The following PAPPA variants were observed in gnomAD, a reference collection of about 807,000 sequenced individuals.
PAPPA encodes the protein pappalysin 1, also known as pappalysin-1.
PAPPA carries 60 observed loss-of-function variants against 164.0 expected under a neutral mutation model. That is an observed-to-expected ratio of 0.37 (90% CI 0.30 to 0.45). The LOEUF is 0.45. Among genes scored for constraint, PAPPA ranks in the 20% least tolerant of loss-of-function variants. The probability of loss-of-function intolerance (pLI) is 1.00; values close to 1 mark genes in which losing one functional copy is unlikely to be tolerated. For missense variants in PAPPA, 1,782 were observed against 2,087.3 expected, an observed-to-expected ratio of 0.85 and a Z score of 2.85; for synonymous variants, 875 against 814.1, an observed-to-expected ratio of 1.07 and a Z score of -1.27.
At chr9:116,348,304 G>A (rs989606464) in intron 15 of PAPPA, among the ~76,000 whole-genome samples, 1 of 151,524 alleles carries the variant, frequency 6.6e-6, no homozygotes, top group Non-Finnish European at 1.5e-5. Flanking sequence ...ACTGGGCAAA[G>A]GTCCTGCTGC....
intron 18 of PAPPA, among the ~76,000 whole-genome samples, chr9:116,366,102 G>A (rs965000259): frequency 1.3e-5 from 2 of 152,220 alleles, no homozygotes; most frequent in South Asian, 4.1e-4. Context: ...CTTGCTCCTA[G>A]TGTTTGGAGG....
rs1451619723 is a variant in PAPPA at position 116,398,682 on chromosome 9, C to G, written c.*2066C>G. 1.8e-5 allele frequency: 9 copies of G among 510,776 alleles called. No homozygotes were observed. The highest frequency in any genetic ancestry group is 1.4e-4 in the Admixed American group (6 of 42,618). 31.6% of individuals were successfully genotyped at this position (510,776 alleles called of 1,614,324 possible). On this transcript the variant is annotated 3_prime_UTR_variant, in exon 22 of 22. Coordinates refer to ENST00000328252, the MANE Select transcript of PAPPA (RefSeq NM_002581.5). ...TGCAGTGCTGAGATAGTTTATGAGA[C>G]TTGTACCATTTCACAAACTCTGAAA...
At chr9:116,156,577 C>T (rs572141175) in intron 1 of PAPPA, among the ~76,000 whole-genome samples, 1 of 151,620 alleles carries the variant, frequency 6.6e-6, no homozygotes, top group East Asian at 1.9e-4. Context: ...CCTCTCAAAA[C>T]GAAAAAAATA....
At position 116,398,410 on chromosome 9, in the gene PAPPA, A is replaced by T. The variant is rs1728414741; in HGVS notation, c.*1794A>T. 2.7e-6 allele frequency: 1 copy of T among 368,780 alleles called. No homozygotes were observed. The allele number at this position is 368,780 out of a possible 1,614,324, so 22.8% of individuals were successfully genotyped here. A position where few individuals can be genotyped will look rare whatever the true frequency, so the allele number is the denominator to read the frequency against. On this transcript the variant is annotated 3_prime_UTR_variant, in exon 22 of 22. Coordinates refer to ENST00000328252, the MANE Select transcript of PAPPA (RefSeq NM_002581.5). ...AAAACCTAGCATAGGGATAGAAAAT[A>T]CCATGCACGTGTGCAGCCCCACCTA...
chr9:116,239,847 G>A (rs914562268), intron 7 of PAPPA, among the ~76,000 whole-genome samples: 2 of 151,998 alleles, frequency 1.3e-5, no homozygotes, highest in African/African-American at 4.8e-5. Flanking sequence ...TATAGCAAGG[G>A]GAAGACAGGC....
intron 13 of PAPPA, among the ~76,000 whole-genome samples, chr9:116,342,837 CAGAGAAA>C (rs1846155996): frequency 6.6e-6 from 1 of 152,100 alleles, no homozygotes; most frequent in South Asian, 2.1e-4. Flanking sequence ...AGGCAAAAGT[CAGAGAAA>C]ACTGCCCCCT....
chr9:116,195,335 G>C lies in PAPPA; in HGVS notation c.1478+7119G>C, dbSNP rs920867721. Among the ~76,000 whole-genome samples the C allele has an allele frequency of 2.3e-5, 3 of 132,516 alleles. No homozygotes were observed. The East Asian group carries it at 6.0e-4, about 26-fold the overall frequency. 86.9% of individuals were successfully genotyped at this position (132,516 alleles called of 152,430 possible). On this transcript the variant is annotated intron_variant, in intron 2 of 21. Coordinates refer to ENST00000328252, the MANE Select transcript of PAPPA (RefSeq NM_002581.5). ...CTTTGGTCTTAAGAGCAGAATAGAG[G>C]GGTGAACTGAATTAAAAGAAGAACT...
At chr9:116,163,150 G>A (rs1345417912) in intron 1 of PAPPA, among the ~76,000 whole-genome samples, 4 of 152,218 alleles carry the variant, frequency 2.6e-5, no homozygotes, top group Admixed American at 1.3e-4. Flanking sequence ...CGCCCTCAGG[G>A]AGTTTATATT....
At chr9:116,371,999 A>G (rs1245279026) in intron 19 of PAPPA, among the ~76,000 whole-genome samples, 1 of 152,204 alleles carries the variant, frequency 6.6e-6, no homozygotes. Flanking sequence ...AGGCATTTTC[A>G]TAAGTGTGTT....
At chr9:116,272,462 G>A (rs956496068) in intron 9 of PAPPA, among the ~76,000 whole-genome samples, 2 of 152,208 alleles carry the variant, frequency 1.3e-5, no homozygotes, top group East Asian at 3.9e-4. Context: ...TTACAGGGGT[G>A]CATTTAGACA....
At chr9:116,267,717 T>C (rs1283936790) in intron 8 of PAPPA, among the ~76,000 whole-genome samples, 7 of 150,806 alleles carry the variant, frequency 4.6e-5, no homozygotes, top group Admixed American at 4.0e-4. Context: ...ACTAAAAAAA[T>C]ACAAAAAATT....
intron 15 of PAPPA, among the ~76,000 whole-genome samples, chr9:116,349,075 T>C (rs1846248109): frequency 1.3e-5 from 2 of 152,182 alleles, no homozygotes; most frequent in African/African-American, 4.8e-5. Flanking sequence ...TCCTTCTTAA[T>C]CTGTCTTCTT....
chr9:116,274,723 A>G (rs1250435716), intron 9 of PAPPA, among the ~76,000 whole-genome samples: 2 of 152,196 alleles, frequency 1.3e-5, no homozygotes, highest in African/African-American at 4.8e-5. Flanking sequence ...TTAGGAGATA[A>G]TTATTCTAAT....
At position 116,219,851 on chromosome 9, in the gene PAPPA, T is replaced by C. The variant is rs1282160280; in HGVS notation, c.1919-86T>C. 6.0e-6 allele frequency: 7 copies of C among 1,164,192 alleles called. No homozygotes were observed. In the South Asian group the frequency reaches 7.1e-5, roughly 12 times the overall value. The allele number at this position is 1,164,192 out of a possible 1,614,324, so 72.1% of individuals were successfully genotyped here. ...CAAGGAACGACTTGGGTGCTGACTC[T>C]TGGGCCGCCAGGAGCCGTCATTACT... is the stretch of plus-strand genomic sequence containing the variant. On this transcript the variant is annotated intron_variant, in intron 4 of 21. Coordinates refer to ENST00000328252, the MANE Select transcript of PAPPA (RefSeq NM_002581.5).
chr9:116,251,231 A>C (rs1214576034), intron 7 of PAPPA, among the ~76,000 whole-genome samples: 1 of 152,186 alleles, frequency 6.6e-6, no homozygotes, highest in Non-Finnish European at 1.5e-5. Context: ...ATGAATCAGA[A>C]ACATAAGGAT....
chr9:116,377,595 G>A lies in PAPPA; in HGVS notation c.4625G>A (p.Gly1542Asp). Residue 1542 changes from glycine to aspartate, a missense_variant, in exon 20 of 22, where the codon GGT becomes GAT. By Grantham distance (94) the Gly-to-Asp change is moderately conservative. Transcript: ENST00000328252. The stretch of plus-strand genomic sequence containing the variant: ...CCACAGAGAGTTGTCTGCACTGCTG[G>A]TCTCAAGTGGTATCCTCACCCTGCT... ...TRVERVVCTA[G>D]LKWYPHPALI... 2 of 1,613,850 alleles carry A rather than the reference G, an allele frequency of 1.2e-6. No individual in the cohort carries two copies. Among genetic ancestry groups the A allele is most frequent in the South Asian group, 1.1e-5 (1 of 91,056 alleles).
chr9:116,277,417 T>G (rs1314631820), intron 9 of PAPPA, among the ~76,000 whole-genome samples: 1 of 152,126 alleles, frequency 6.6e-6, no homozygotes, highest in East Asian at 1.9e-4. Context: ...GGTGGCATTC[T>G]TAACACTGGA....
rs779678368 is a variant in PAPPA, at chr9:116,187,124, T to C, written c.416-30T>C. 17 of 1,488,130 alleles carry C rather than the reference T, an allele frequency of 1.1e-5. No individual in the cohort carries two copies. The highest frequency in any genetic ancestry group is 1.5e-5 in the Non-Finnish European group (16 of 1,071,190). 92.2% of individuals were successfully genotyped at this position (1,488,130 alleles called of 1,614,324 possible). A position where few individuals can be genotyped will look rare whatever the true frequency, so the allele number is the denominator to read the frequency against. On this transcript the variant is annotated intron_variant, in intron 1 of 21. Transcript: ENST00000328252. This position sits in a 1 kb window ranked among gnomAD's most constrained non-coding sequence, Gnocchi z 4.2. ...CCCCCCTCCTTTTCCATCCTTTATT[T>C]ATTCATCTTTCTCTTTTGGGGCCAC...
chr9:116,235,275 C>T lies in PAPPA; in HGVS notation c.2370C>T (p.Pro790=). ...ACCTCGAGCTGGAGTTCCTCTACCC[C>T]TTGGTCCCTGAGTCTCTGACCATTT... is the stretch of plus-strand genomic sequence containing the variant. ...GCYLELEFLY[P]LVPESLTIWV... Residue 790 remains proline, a synonymous_variant, in exon 7 of 22, where the codon CCC becomes CCT. Coordinates refer to ENST00000328252, the MANE Select transcript of PAPPA (RefSeq NM_002581.5). 1 of 1,614,170 alleles carries T rather than the reference C, an allele frequency of 6.2e-7. No individual in the cohort carries two copies.
Sources: allele counts gnomAD v4.1 joint callset (sites outside exome capture counted in the v4.1 genomes callset), GRCh38; gene constraint gnomAD v4.1.1; non-coding constraint Gnocchi (gnomAD v3.1); transcripts MANE v1.5; gene names NCBI Gene and HGNC (gene_info 2026-07-23, HGNC 2026-07-21).